The following CRY1 variants were observed in gnomAD, a reference collection of about 807,000 sequenced individuals.
CRY1 encodes cryptochrome-1.
Under a neutral mutation model 76.0 loss-of-function variants are expected in CRY1, and 45 were observed. The observed-to-expected ratio is 0.59, with a 90% CI of 0.47 to 0.76. The LOEUF is 0.76. CRY1 is among the 30% of genes least tolerant of loss of function. CRY1 has a pLI of 0.00. For synonymous variants in CRY1, 248 were observed against 244.0 expected, an observed-to-expected ratio of 1.02 and a Z score of -0.15; for missense variants, 587 against 716.4, an observed-to-expected ratio of 0.82 and a Z score of 2.06.
chr12:107,026,695 A>G (rs1472567357), intron 1 of CRY1, among the ~76,000 whole-genome samples: 3 of 151,900 alleles, frequency 2.0e-5, no homozygotes, highest in Admixed American at 1.3e-4. Flanking sequence ...TCATAAAATC[A>G]CCTAGTAGAG....
At chr12:107,065,469 C>T (rs997029070) in intron 1 of CRY1, among the ~76,000 whole-genome samples, 3 of 151,974 alleles carry the variant, frequency 2.0e-5, no homozygotes, top group Non-Finnish European at 4.4e-5. Flanking sequence ...GTGGTGCACG[C>T]CTGTAATCCC....
chr12:107,011,593 C>G (rs2136834072), intron 2 of CRY1, among the ~76,000 whole-genome samples: 1 of 152,254 alleles, frequency 6.6e-6, no homozygotes. Context: ...AAGCATAGTC[C>G]TAATCCAGAG....
At chr12:107,020,533 T>G (rs1363869949) in intron 2 of CRY1, among the ~76,000 whole-genome samples, 1 of 151,530 alleles carries the variant, frequency 6.6e-6, no homozygotes, top group Non-Finnish European at 1.5e-5. Flanking sequence ...CTGTTTTTTT[T>G]TTTGTTTTTT....
At chr12:107,014,738 G>A (rs1469335802) in intron 2 of CRY1, among the ~76,000 whole-genome samples, 1 of 152,028 alleles carries the variant, frequency 6.6e-6, no homozygotes, top group Admixed American at 6.6e-5. Context: ...TTGATATACA[G>A]TCCTCCCTTG....
chr12:107,054,262 AAT>A (rs1952956857), intron 1 of CRY1, among the ~76,000 whole-genome samples: 3 of 152,114 alleles, frequency 2.0e-5, no homozygotes, highest in Admixed American at 6.5e-5. Context: ...TTATCTAATA[AAT>A]AGACAAAATT....
intron 2 of CRY1, among the ~76,000 whole-genome samples, chr12:107,010,869 C>T (rs150543198): frequency 5.9e-5 from 9 of 152,272 alleles, no homozygotes; most frequent in Admixed American, 2.0e-4. Flanking sequence ...GCCTTTCCCC[C>T]ATCTCTTTCA....
intron 2 of CRY1, among the ~76,000 whole-genome samples, chr12:107,016,597 AT>A (rs1253854211): frequency 6.6e-6 from 1 of 152,138 alleles, no homozygotes; most frequent in Non-Finnish European, 1.5e-5. Context: ...TCCATCCATC[AT>A]CCTTTCCTTC....
chr12:107,044,954 A>G (rs1306192544), intron 1 of CRY1, among the ~76,000 whole-genome samples: 5 of 152,184 alleles, frequency 3.3e-5, no homozygotes, highest in Non-Finnish European at 5.9e-5. Flanking sequence ...AGAAAAACCT[A>G]TTTAATGAAA....
chr12:107,074,022 TCATGGG>T (rs1953221313), intron 1 of CRY1, among the ~76,000 whole-genome samples: 1 of 152,192 alleles, frequency 6.6e-6, no homozygotes, highest in Non-Finnish European at 1.5e-5. Context: ...ATGTCTCTCT[TCATGGG>T]ATCTCAAAAT....
chr12:107,085,002 G>A (rs1231509021), intron 1 of CRY1, among the ~76,000 whole-genome samples: 2 of 151,278 alleles, frequency 1.3e-5, no homozygotes, highest in African/African-American at 4.8e-5. Flanking sequence ...CAAAAAGTGG[G>A]TGAAGGATAT....
rs775911601 is a variant in CRY1 at position 107,022,157 on chromosome 12, T to C, written c.194A>G (p.Asn65Ser). ...CAGACGGGAGTTTAATTTTCGTAGATTGGCATCAAGATCCTCAAGACACTG... is the reference window on the plus strand; with the variant it reads ...CAGACGGGAGTTTAATTTTCGTAGACTGGCATCAAGATCCTCAAGACACTG... ...LLQCLEDLDA[N>S]LRKLNSRLFV... The change falls in exon 2 of 13, where the codon AAT becomes AGT. Residue 65 changes from asparagine (N) to serine (S), a missense_variant. Asn to Ser is a conservative substitution (Grantham distance 46). Transcript: ENST00000008527. The C allele has an allele frequency of 1.5e-5, 24 of 1,602,782 alleles. No individual in the cohort carries two copies. Among genetic ancestry groups the C allele is most frequent in the Admixed American group, 5.1e-5 (3 of 58,788 alleles).
chr12:107,071,998 T>C (rs768954681), intron 1 of CRY1, among the ~76,000 whole-genome samples: 12 of 152,110 alleles, frequency 7.9e-5, no homozygotes, highest in African/African-American at 2.7e-4. Flanking sequence ...AACTAGGTCA[T>C]ACAAACAAAA....
chr12:106,992,668 A>C, intron 12 of CRY1, 119 bp downstream of exon 12: 1 of 930,828 alleles, frequency 1.1e-6, no homozygotes. Flanking sequence ...TTGCTTAAAA[A>C]TTAATGCCTC....
chr12:107,019,191 G>C (rs1449919848), intron 2 of CRY1, among the ~76,000 whole-genome samples: 1 of 151,994 alleles, frequency 6.6e-6, no homozygotes, highest in Non-Finnish European at 1.5e-5. Flanking sequence ...GGGACAACAT[G>C]CTTTTAATTG....
intron 1 of CRY1, among the ~76,000 whole-genome samples, chr12:107,083,149 T>A (rs999037374): frequency 3.3e-5 from 5 of 152,064 alleles, no homozygotes; most frequent in Non-Finnish European, 4.4e-5. Flanking sequence ...CAGGAAGAAG[T>A]CACATCCCTG....
intron 1 of CRY1, among the ~76,000 whole-genome samples, chr12:107,057,504 A>C (rs894376622): frequency 6.6e-6 from 1 of 152,194 alleles, no homozygotes; most frequent in Non-Finnish European, 1.5e-5. Context: ...ACAAACCCAC[A>C]TTTCAAAGAT....
chr12:107,022,210 T>G lies in CRY1; in HGVS notation c.159-18A>C. 1 of 1,354,296 alleles carries G rather than the reference T, an allele frequency of 7.4e-7. No homozygotes were observed. The highest frequency in any genetic ancestry group is 1.5e-5 in the African/African-American group (1 of 67,528). The allele number at this position is 1,354,296 out of a possible 1,614,324, so 83.9% of individuals were successfully genotyped here. ...GCAAAAATCTAGAGAGAAGAAAGTATTATTTAAATTATTAAAAAATACATA... is the reference window on the plus strand; with the variant it reads ...GCAAAAATCTAGAGAGAAGAAAGTAGTATTTAAATTATTAAAAAATACATA... On this transcript the variant is annotated intron_variant, in intron 1 of 12. Coordinates refer to ENST00000008527, the MANE Select transcript of CRY1 (RefSeq NM_004075.5).
At chr12:107,058,045 G>A (rs1039827724) in intron 1 of CRY1, among the ~76,000 whole-genome samples, 3 of 152,044 alleles carry the variant, frequency 2.0e-5, no homozygotes, top group African/African-American at 7.2e-5. Flanking sequence ...AACAGAGCAA[G>A]GCCCTGTCTC....
At chr12:107,079,237 A>T (rs949584920) in intron 1 of CRY1, among the ~76,000 whole-genome samples, 1 of 152,148 alleles carries the variant, frequency 6.6e-6, no homozygotes, top group Non-Finnish European at 1.5e-5. Flanking sequence ...TAGTTCAGAA[A>T]CTGGCCCAAA....
Sources: gnomAD v4.1 joint callset for allele counts (sites outside exome capture counted in the v4.1 genomes callset) on GRCh38, gnomAD v4.1.1 for gene constraint, MANE v1.5 for transcripts, NCBI Gene and HGNC (gene_info 2026-07-23, HGNC 2026-07-21) for gene names.